The following DCAF6 variants were observed in gnomAD, a reference collection of about 807,000 sequenced individuals.
DCAF6 encodes the protein DDB1 and CUL4 associated factor 6, also known as DDB1- and CUL4-associated factor 6.
DCAF6 carries 54 observed loss-of-function variants against 125.1 expected under a neutral mutation model. That is an observed-to-expected ratio of 0.43 (90% CI 0.35 to 0.54). The LOEUF (loss-of-function observed/expected upper bound fraction) is 0.54, where lower values mean the gene tolerates loss of function less well. DCAF6 is among the 20% of genes least tolerant of loss of function. The probability of loss-of-function intolerance (pLI) is 0.01; values close to 1 mark genes in which losing one functional copy is unlikely to be tolerated. For synonymous variants in DCAF6, 371 were observed against 390.4 expected, an observed-to-expected ratio of 0.95 and a Z score of 0.58; for missense variants, 934 against 1,161.7, an observed-to-expected ratio of 0.80 and a Z score of 2.85.
At chr1:167,910,040 C>T in the DCAF6 span, among the ~76,000 whole-genome samples, 1 of 152,186 alleles carries the variant, frequency 6.6e-6, no homozygotes, top group African/African-American at 2.4e-5. Context: ...CCTCACAGCT[C>T]TAAGCCCTTA....
intron 14 of DCAF6, 87 bp from the exon 15 acceptor site, chr1:168,044,495 TGAG>T (rs1688918529): frequency 3.7e-6 from 3 of 817,384 alleles, no homozygotes; most frequent in African/African-American, 3.4e-5. Flanking sequence ...ATGAGGGACT[TGAG>T]GAGCTGCAGA....
At chr1:167,870,780 G>A in the DCAF6 span, among the ~76,000 whole-genome samples, 1 of 150,662 alleles carries the variant, frequency 6.6e-6, no homozygotes, top group African/African-American at 2.5e-5. Context: ...TTGCACTCCA[G>A]CCTGGGCGAC....
At chr1:168,049,410 TTTGTTGTTG>T (rs1265956080) in intron 16 of DCAF6, among the ~76,000 whole-genome samples, 43 of 140,496 alleles carry the variant, frequency 3.1e-4, no homozygotes, top group African/African-American at 1.2e-3. Context: ...ACTCTGCTAA[TTTGTTGTTG>T]TTGTTGTTGT....
chr1:168,064,461 C>G (rs1292145284), intron 18 of DCAF6, among the ~76,000 whole-genome samples: 1 of 152,146 alleles, frequency 6.6e-6, no homozygotes, highest in Non-Finnish European at 1.5e-5. Context: ...ATCCATATTA[C>G]TGCCATATTA....
the DCAF6 span, chr1:167,904,086 T>G: frequency 1.0e-5 from 5 of 486,760 alleles, no homozygotes; most frequent in African/African-American, 8.3e-5. Flanking sequence ...CCTCAGCTTT[T>G]TTTTTTTTTT....
At chr1:167,911,407 T>C in the DCAF6 span, among the ~76,000 whole-genome samples, 1 of 152,276 alleles carries the variant, frequency 6.6e-6, no homozygotes, top group Non-Finnish European at 1.5e-5. Flanking sequence ...TGCCCTGGCA[T>C]GCTTATACTG....
intron 2 of DCAF6, among the ~76,000 whole-genome samples, chr1:167,955,621 A>G (rs1011133055): frequency 6.6e-6 from 1 of 152,096 alleles, no homozygotes; most frequent in Non-Finnish European, 1.5e-5. Flanking sequence ...CTATGTAAAT[A>G]ATCAAGTCAT....
chr1:167,884,950 C>A, the DCAF6 span, among the ~76,000 whole-genome samples: 1 of 152,268 alleles, frequency 6.6e-6, no homozygotes, highest in East Asian at 1.9e-4. Flanking sequence ...CCTGCCTTGG[C>A]CTCCCAAAGT....
intron 5 of DCAF6, among the ~76,000 whole-genome samples, chr1:167,990,166 T>A (rs897284881): frequency 4.6e-5 from 7 of 152,136 alleles, no homozygotes; most frequent in Non-Finnish European, 7.4e-5. Context: ...ATATTATGAA[T>A]AAGCCTAGGC....
intron 11 of DCAF6, among the ~76,000 whole-genome samples, chr1:168,019,087 C>T (rs778689903): frequency 7.9e-5 from 12 of 151,088 alleles, no homozygotes; most frequent in South Asian, 6.3e-4. Context: ...CTCGCTTTGT[C>T]GCCCAAGCTG....
the DCAF6 span, chr1:167,896,841 A>G: frequency 1.6e-6 from 1 of 629,208 alleles, no homozygotes; most frequent in Non-Finnish European, 2.8e-6. Flanking sequence ...TAAAATTGAA[A>G]TTTTAAATTG....
At chr1:167,872,814 G>A in the DCAF6 span, among the ~76,000 whole-genome samples, 1 of 150,768 alleles carries the variant, frequency 6.6e-6, no homozygotes, top group Admixed American at 6.7e-5. Flanking sequence ...GCTCACGTCT[G>A]TAATCCCAGC....
chr1:168,049,642 T>C (rs1689624074), intron 16 of DCAF6, among the ~76,000 whole-genome samples: 1 of 141,544 alleles, frequency 7.1e-6, no homozygotes, highest in Non-Finnish European at 1.5e-5. Flanking sequence ...ATAATCTGCA[T>C]ATAATTTTTT....
intron 1 of DCAF6, among the ~76,000 whole-genome samples, chr1:167,941,827 C>T (rs1288220801): frequency 2.0e-5 from 3 of 152,054 alleles, no homozygotes; most frequent in South Asian, 2.1e-4. Flanking sequence ...TAACTAGGGT[C>T]GAACACTTTT....
At chr1:168,020,911 C>T (rs1213903468) in intron 11 of DCAF6, among the ~76,000 whole-genome samples, 1 of 151,874 alleles carries the variant, frequency 6.6e-6, no homozygotes, top group Non-Finnish European at 1.5e-5. Context: ...AAGCAGTGAC[C>T]AGGAAGGATT....
the DCAF6 span, chr1:167,901,592 G>A: frequency 1.4e-6 from 2 of 1,473,830 alleles, no homozygotes; most frequent in Non-Finnish European, 1.9e-6. Flanking sequence ...CTCTTTGGGA[G>A]AGAGAGATGC....
chr1:167,875,205 G>T, the DCAF6 span: 4 of 1,612,660 alleles, frequency 2.5e-6, no homozygotes, highest in East Asian at 8.9e-5. Context: ...AAGAACAAAA[G>T]AACAGATGCT....
At chr1:167,933,642 A>G (rs1012694384), upstream of DCAF6, among the ~76,000 whole-genome samples, 34 of 152,248 alleles carry the variant, frequency 2.2e-4, no homozygotes, top group African/African-American at 8.0e-4. Context: ...ATTCAATAAC[A>G]AATACTGTTA....
chr1:167,893,788 C>G, the DCAF6 span: 4 of 950,456 alleles, frequency 4.2e-6, no homozygotes, highest in Non-Finnish European at 3.1e-6. Context: ...TTTCTTAAAT[C>G]TTAAAATTCC....
Sources: gnomAD v4.1 joint callset for allele counts (sites outside exome capture counted in the v4.1 genomes callset) on GRCh38, gnomAD v4.1.1 for gene constraint, MANE v1.5 for transcripts, NCBI Gene and HGNC (gene_info 2026-07-23, HGNC 2026-07-21) for gene names.